The following NSMCE4A variants were observed in gnomAD, a reference collection of about 807,000 sequenced individuals.
NSMCE4A encodes non-structural maintenance of chromosomes element 4 homolog A.
A neutral mutation model predicts 47.9 loss-of-function variants in NSMCE4A; 40 were observed. The ratio of observed to expected loss-of-function variants is 0.83; its 90% CI spans 0.65 to 1.09. NSMCE4A has a LOEUF of 1.09. Among genes scored for constraint, NSMCE4A ranks in the 50% least tolerant of loss-of-function variants. NSMCE4A has a pLI of 0.00. For synonymous variants in NSMCE4A, 166 were observed against 178.5 expected (o/e 0.93, Z 0.56); for missense variants, 500 against 507.0 (o/e 0.99, Z 0.13).
intron 3 of NSMCE4A, among the ~76,000 whole-genome samples, chr10:121,969,707 AGATTGACT>A (rs1952671543): frequency 1.3e-5 from 2 of 152,150 alleles, no homozygotes; most frequent in African/African-American, 4.8e-5. Flanking sequence ...TCAGATTGAC[AGATTGACT>A]GATTGATTGA....
intron 10 of NSMCE4A, among the ~76,000 whole-genome samples, chr10:121,959,062 CTTGGCCTCCCAAAGTGCT>C (rs1210040263): frequency 6.6e-6 from 1 of 152,204 alleles, no homozygotes; most frequent in Non-Finnish European, 1.5e-5. Flanking sequence ...ATCCGCTTGC[CTTGGCCTCCCAAAGTGCT>C]GGGATTACAG....
intron 10 of NSMCE4A, 120 bp downstream of exon 10, chr10:121,959,204 A>G (rs1204876622): frequency 1.3e-6 from 1 of 777,022 alleles, no homozygotes; most frequent in Admixed American, 1.8e-5. Context: ...ACACAGTTCT[A>G]AGAATGGGGC....
chr10:121,959,238 A>C (rs1017020832), intron 10 of NSMCE4A, 86 bp downstream of exon 10: 2 of 1,246,044 alleles, frequency 1.6e-6, no homozygotes, highest in Admixed American at 1.7e-5. Flanking sequence ...AAAAATTCAA[A>C]TTTCACTGGA....
Position 121,960,611 on chromosome 10 carries a change from C to T in NSMCE4A, c.940-205G>A, listed in dbSNP as rs746217695. The stretch of plus-strand genomic sequence containing the variant: ...TTTGGGTTTCTAATCAGCTCTTTCA[C>T]CCAGACACAGCCTCCATCCTGAGAA... On this transcript the variant is annotated intron_variant, in intron 7 of 10. Transcript: ENST00000369023. The surrounding 1 kb of genome is among the most constrained non-coding windows in gnomAD (Gnocchi z 4.2). Among the ~76,000 whole-genome samples, 2 of 152,172 alleles carry T rather than the reference C, an allele frequency of 1.3e-5. No individual in the cohort carries two copies. Among genetic ancestry groups the T allele is most frequent in the Non-Finnish European group, 2.9e-5 (2 of 68,020 alleles).
Position 121,961,533 on chromosome 10 carries a change from GAAAA to G in NSMCE4A, c.845-20_845-17del, listed in dbSNP as rs561848898. On this transcript the variant is annotated splice_polypyrimidine_tract_variant and intron_variant, in intron 6 of 10. Transcript: ENST00000369023. Reference sequence around the variant, plus strand: ...GGGGTATCAGCTATAGACAAAAAGAGAAAAAAAAATTGATTTTTGCTTGTCATTA... The same window carrying G: ...GGGGTATCAGCTATAGACAAAAAGAGAAAAATTGATTTTTGCTTGTCATTA... The G allele has an allele frequency of 6.7e-7, 1 of 1,483,722 alleles. No individual in the cohort carries two copies. Among genetic ancestry groups the G allele is most frequent in the Non-Finnish European group, 9.0e-7 (1 of 1,109,136 alleles). 91.9% of individuals were successfully genotyped at this position (1,483,722 alleles called of 1,614,324 possible).
chr10:121,972,226 G>A (rs1952727660), intron 2 of NSMCE4A, among the ~76,000 whole-genome samples: 1 of 152,140 alleles, frequency 6.6e-6, no homozygotes, highest in Non-Finnish European at 1.5e-5. Context: ...GGTGGCTGAA[G>A]CTGGAGAATA....
chr10:121,974,430 C>A, intron 1 of NSMCE4A: 1 of 1,025,560 alleles, frequency 9.8e-7, no homozygotes, highest in Non-Finnish European at 1.2e-6. Context: ...CGGACCCACC[C>A]AGAGATTCGA....
At position 121,974,056 on chromosome 10, in the gene NSMCE4A, G is replaced by A. The variant is rs754801187; in HGVS notation, c.318C>T (p.Ala106=). The change falls in exon 2 of 11, where the codon GCC becomes GCT. Residue 106 remains alanine (A), a synonymous_variant. Coordinates refer to ENST00000369023, the MANE Select transcript of NSMCE4A (RefSeq NM_017615.3). ...CAAGGACCTCTGTTAATTTGTCACC[G>A]GCATTCAGTATGTCCTCACGGTTTT... ...VQQNREDILN[A]GDKLTEVLEE... The A allele has an allele frequency of 1.2e-5, 20 of 1,605,850 alleles. No homozygotes were observed. Among genetic ancestry groups the A allele is most frequent in the Non-Finnish European group, 1.5e-5 (18 of 1,175,004 alleles).
chr10:121,975,027 T>C lies in NSMCE4A; in HGVS notation c.139A>G (p.Arg47Gly). The change falls in exon 1 of 11, where the codon AGA becomes GGA. Residue 47 changes from arginine to glycine, a missense_variant. Coordinates refer to ENST00000369023, the MANE Select transcript of NSMCE4A (RefSeq NM_017615.3). ...AGGCTCGGGCGCTCTGGGGCCTCTC[T>C]GCGCTCCCGCGCAGAGCCGCGGCGG... ...RSRRGSARERREAPERPSLED... is the reference protein window; with the variant it reads ...RSRRGSARERGEAPERPSLED... The C allele has an allele frequency of 6.7e-7, 1 of 1,494,710 alleles. No homozygotes were observed. The highest frequency in any genetic ancestry group is 8.9e-7 in the Non-Finnish European group (1 of 1,127,680). 92.6% of individuals were successfully genotyped at this position (1,494,710 alleles called of 1,614,324 possible).
chr10:121,963,069 G>A (rs1238738939), intron 6 of NSMCE4A, among the ~76,000 whole-genome samples, 169 bp downstream of exon 6: 5 of 152,054 alleles, frequency 3.3e-5, no homozygotes, highest in Admixed American at 6.6e-5. Flanking sequence ...AAATGAAAAC[G>A]TTAACTTCAA....
At chr10:121,957,538 A>G (rs745758238) in intron 10 of NSMCE4A, among the ~76,000 whole-genome samples, 6 of 145,490 alleles carry the variant, frequency 4.1e-5, no homozygotes, top group Non-Finnish European at 5.9e-5. Flanking sequence ...GGTTCACGCC[A>G]TTCTCCTGCC....
At chr10:121,957,726 GC>G (rs1952424389) in intron 10 of NSMCE4A, among the ~76,000 whole-genome samples, 1 of 151,760 alleles carries the variant, frequency 6.6e-6, no homozygotes, top group Non-Finnish European at 1.5e-5. Flanking sequence ...GAGCCACTGC[GC>G]CCGGCCTATT....
Position 121,965,431 on chromosome 10 carries a change from T to G in NSMCE4A, c.654-46A>C, listed in dbSNP as rs753537095. 4 of 1,452,676 alleles carry G rather than the reference T, an allele frequency of 2.8e-6. No individual in the cohort carries two copies. The African/African-American group carries it at 5.6e-5, about 20-fold the overall frequency. The allele number at this position is 1,452,676 out of a possible 1,614,324, so 90.0% of individuals were successfully genotyped here. A position where few individuals can be genotyped will look rare whatever the true frequency, so the allele number is the denominator to read the frequency against. On this transcript the variant is annotated intron_variant, in intron 4 of 10. Transcript: ENST00000369023. ...ATTTATTTTTTTTGCCTGTTGTTTG[T>G]TAAACAAACTAACTTTACTAACTAA...
At chr10:121,972,965 G>A (rs1479961070) in intron 2 of NSMCE4A, among the ~76,000 whole-genome samples, 1 of 152,158 alleles carries the variant, frequency 6.6e-6, no homozygotes, top group Non-Finnish European at 1.5e-5. Context: ...AGCCGGGGGC[G>A]GTGGCTCATG....
intron 5 of NSMCE4A, among the ~76,000 whole-genome samples, chr10:121,964,109 G>C (rs1395552008): frequency 1.6e-5 from 1 of 62,900 alleles, no homozygotes; most frequent in African/African-American, 5.6e-5. Flanking sequence ...AAAAATTATG[G>C]TTTAAAAAAA....
chr10:121,974,881 G>T lies in NSMCE4A; in HGVS notation c.285C>A (p.Ser95=). Residue 95 remains serine (S), a synonymous_variant, in exon 1 of 11, where the codon TCC becomes TCA. Transcript: ENST00000369023. The part of the protein sequence containing the change: ...IRHQYRALIN[S]VQQNREDILN... ...CCGGAGGCGCCGCCTTACGTTGGAC[G>T]GAGTTGATGAGCGCCCGGTACTGAT... 1 of 1,494,596 alleles carries T rather than the reference G, an allele frequency of 6.7e-7. No homozygotes were observed. The allele number at this position is 1,494,596 out of a possible 1,614,324, so 92.6% of individuals were successfully genotyped here.
intron 10 of NSMCE4A, among the ~76,000 whole-genome samples, chr10:121,957,848 CAG>C (rs1351634845): frequency 6.6e-6 from 1 of 151,854 alleles, no homozygotes; most frequent in African/African-American, 2.4e-5. Flanking sequence ...TGCTCAAAAT[CAG>C]AAAATTTGAG....
At chr10:121,965,169 A>G in intron 5 of NSMCE4A, 117 bp downstream of exon 5, 1 of 623,022 alleles carries the variant, frequency 1.6e-6, no homozygotes, top group South Asian at 2.1e-5. Context: ...TATTTAAGTG[A>G]CAAAACCTGG....
At chr10:121,969,663 A>G (rs1001270035) in intron 3 of NSMCE4A, among the ~76,000 whole-genome samples, 6 of 152,236 alleles carry the variant, frequency 3.9e-5, no homozygotes, top group Non-Finnish European at 8.8e-5. Flanking sequence ...ATTCATACTG[A>G]GGTGCAGCTA....
Sources: allele counts gnomAD v4.1 joint callset (sites outside exome capture counted in the v4.1 genomes callset), GRCh38; gene constraint gnomAD v4.1.1; non-coding constraint Gnocchi (gnomAD v3.1); transcripts MANE v1.5; gene names NCBI Gene and HGNC (gene_info 2026-07-23, HGNC 2026-07-21).